The following SLC24A2 variants were observed in gnomAD, a reference collection of about 807,000 sequenced individuals.
SLC24A2 encodes solute carrier family 24 member 2.
A neutral mutation model predicts 62.0 loss-of-function variants in SLC24A2; 36 were observed. That is an observed-to-expected ratio of 0.58 (90% CI 0.44 to 0.77). The LOEUF is 0.77. Ranked by LOEUF, SLC24A2 falls within the 30% of genes least tolerant of loss-of-function variation. SLC24A2 has a pLI of 0.00. For synonymous variants in SLC24A2, 358 were observed against 294.0 expected (o/e 1.22, Z -2.23); for missense variants, 846 against 817.9 (o/e 1.03, Z -0.42).
At chr9:20,012,459 A>T in the SLC24A2 span, among the ~76,000 whole-genome samples, 1 of 152,328 alleles carries the variant, frequency 6.6e-6, no homozygotes, top group Non-Finnish European at 1.5e-5. Flanking sequence ...TCAAAATGAA[A>T]TGTGGGTGGG....
chr9:20,234,986 A>G, the SLC24A2 span, among the ~76,000 whole-genome samples: 1 of 152,196 alleles, frequency 6.6e-6, no homozygotes, highest in Non-Finnish European at 1.5e-5. Flanking sequence ...TTTGCCAGAG[A>G]TCCACTCCAG....
chr9:19,903,305 T>C, the SLC24A2 span, among the ~76,000 whole-genome samples: 1 of 152,104 alleles, frequency 6.6e-6, no homozygotes, highest in Non-Finnish European at 1.5e-5. Flanking sequence ...CGTTATAACC[T>C]CACATGGCAG....
the SLC24A2 span, among the ~76,000 whole-genome samples, chr9:20,170,839 G>C: frequency 6.6e-6 from 1 of 152,018 alleles, no homozygotes; most frequent in South Asian, 2.1e-4. Flanking sequence ...TAGAGACCTA[G>C]TCATCCAAAT....
intron 2 of SLC24A2, among the ~76,000 whole-genome samples, chr9:19,655,668 G>T (rs753226674): frequency 2.0e-5 from 3 of 152,172 alleles, no homozygotes; most frequent in Non-Finnish European, 4.4e-5. Context: ...ATTCACTACA[G>T]ATTTATGGAG....
At chr9:19,870,133 T>G in the SLC24A2 span, among the ~76,000 whole-genome samples, 1 of 152,150 alleles carries the variant, frequency 6.6e-6, no homozygotes, top group Non-Finnish European at 1.5e-5. Context: ...TTTTAGAACA[T>G]TTCACCATCT....
At chr9:19,919,405 C>G in the SLC24A2 span, among the ~76,000 whole-genome samples, 6 of 151,924 alleles carry the variant, frequency 3.9e-5, no homozygotes, top group Admixed American at 2.6e-4. Flanking sequence ...GCTACAGTCT[C>G]TAATTGAAAT....
the SLC24A2 span, among the ~76,000 whole-genome samples, chr9:20,193,677 A>G: frequency 0.011 from 1,676 of 152,214 alleles, 43 homozygotes; most frequent in African/African-American, 0.038. Flanking sequence ...TAGGATGTTG[A>G]TTTTTAAAAT....
At chr9:19,755,470 G>A (rs1028604550) in intron 2 of SLC24A2, among the ~76,000 whole-genome samples, 1 of 152,198 alleles carries the variant, frequency 6.6e-6, no homozygotes, top group African/African-American at 2.4e-5. Context: ...AACTTATTAA[G>A]TGAAAACATA....
At chr9:19,943,410 A>G in the SLC24A2 span, among the ~76,000 whole-genome samples, 1 of 152,090 alleles carries the variant, frequency 6.6e-6, no homozygotes, top group Non-Finnish European at 1.5e-5. Context: ...CCCTGGAGGG[A>G]AGTTGGAAGA....
the SLC24A2 span, among the ~76,000 whole-genome samples, chr9:19,932,642 C>G: frequency 6.6e-6 from 1 of 152,188 alleles, no homozygotes. Flanking sequence ...GGCTAGAACT[C>G]AGAACTTCTG....
At chr9:20,272,597 T>G in the SLC24A2 span, among the ~76,000 whole-genome samples, 1 of 152,150 alleles carries the variant, frequency 6.6e-6, no homozygotes, top group Non-Finnish European at 1.5e-5. Flanking sequence ...AAACTAAAAC[T>G]CCATATTCTG....
At chr9:20,199,557 T>C in the SLC24A2 span, among the ~76,000 whole-genome samples, 1 of 152,120 alleles carries the variant, frequency 6.6e-6, no homozygotes, top group Non-Finnish European at 1.5e-5. Context: ...CTCTATTAAC[T>C]AGAATTCAAA....
At chr9:19,720,692 C>CT (rs1320145437) in intron 2 of SLC24A2, among the ~76,000 whole-genome samples, 3 of 67,058 alleles carry the variant, frequency 4.5e-5, no homozygotes, top group South Asian at 4.6e-4. Flanking sequence ...AATGACAACC[C>CT]CCCCCCCCAA....
intron 2 of SLC24A2, among the ~76,000 whole-genome samples, chr9:19,703,699 C>A (rs1445186048): frequency 1.3e-5 from 2 of 152,028 alleles, no homozygotes; most frequent in African/African-American, 4.8e-5. Flanking sequence ...GATAACAGTG[C>A]TTTGATCAGA....
At chr9:19,742,315 T>C (rs1468194491) in intron 2 of SLC24A2, among the ~76,000 whole-genome samples, 1 of 152,200 alleles carries the variant, frequency 6.6e-6, no homozygotes, top group Non-Finnish European at 1.5e-5. Flanking sequence ...CCTAAGGAAA[T>C]AATACAGTAA....
chr9:20,231,122 T>C, the SLC24A2 span, among the ~76,000 whole-genome samples: 2 of 152,188 alleles, frequency 1.3e-5, no homozygotes, highest in African/African-American at 4.8e-5. Context: ...TACCATGTTG[T>C]TTTGGTTACT....
At chr9:20,206,380 G>C in the SLC24A2 span, among the ~76,000 whole-genome samples, 37 of 152,264 alleles carry the variant, frequency 2.4e-4, no homozygotes, top group African/African-American at 8.9e-4. Context: ...TTGCAAAAAT[G>C]TAAAACAATG....
At chr9:19,653,105 C>A (rs895271981) in intron 2 of SLC24A2, among the ~76,000 whole-genome samples, 2 of 152,162 alleles carry the variant, frequency 1.3e-5, no homozygotes, top group South Asian at 2.1e-4. Context: ...TGCTCACCCC[C>A]CAAACTTGGA....
At chr9:19,530,002 T>A (rs1294154762) in intron 8 of SLC24A2, among the ~76,000 whole-genome samples, 1 of 151,730 alleles carries the variant, frequency 6.6e-6, no homozygotes, top group Non-Finnish European at 1.5e-5. Flanking sequence ...ATCTGCCTGC[T>A]TCAGCCTCCC....
Sources: gnomAD v4.1 joint callset for allele counts (sites outside exome capture counted in the v4.1 genomes callset) on GRCh38, gnomAD v4.1.1 for gene constraint, MANE v1.5 for transcripts, NCBI Gene and HGNC (gene_info 2026-07-23, HGNC 2026-07-21) for gene names.